SARDH: variants seen among roughly 807,000 people sequenced by gnomAD.
SARDH encodes sarcosine dehydrogenase, also known as sarcosine dehydrogenase, mitochondrial.
Under a neutral mutation model 109.1 loss-of-function variants are expected in SARDH, and 95 were observed. The observed-to-expected ratio is 0.87, with a 90% CI of 0.74 to 1.03. The LOEUF (loss-of-function observed/expected upper bound fraction) is 1.03. SARDH is among the 50% of genes least tolerant of loss of function. The probability of loss-of-function intolerance (pLI) is 0.00; values close to 1 mark genes in which losing one functional copy is unlikely to be tolerated. For missense variants in SARDH, 1,267 were observed against 1,287.8 expected (o/e 0.98, Z 0.25); for synonymous variants, 572 against 534.8 (o/e 1.07, Z -0.96).
intron 20 of SARDH, among the ~76,000 whole-genome samples, chr9:133,664,685 G>A (rs1023305625): frequency 2.0e-5 from 3 of 152,196 alleles, no homozygotes; most frequent in African/African-American, 4.8e-5. Context: ...AGGGAGTCTC[G>A]GGCTCCGCTC....
chr9:133,691,639 T>C (rs889612671), intron 15 of SARDH, among the ~76,000 whole-genome samples: 6 of 152,238 alleles, frequency 3.9e-5, no homozygotes, highest in African/African-American at 1.2e-4. Context: ...ACTTTTGAGA[T>C]TGACAGCTGC....
chr9:133,732,385 C>CA, intron 3 of SARDH, 38 bp downstream of exon 3: 10 of 1,263,008 alleles, frequency 7.9e-6, no homozygotes, highest in South Asian at 4.9e-5. Context: ...CCCACCCACC[C>CA]AAGCCCCCCT....
intron 11 of SARDH, among the ~76,000 whole-genome samples, chr9:133,706,951 C>G (rs912290820): frequency 6.6e-6 from 1 of 152,158 alleles, no homozygotes; most frequent in African/African-American, 2.4e-5. Flanking sequence ...GCCTGGGATT[C>G]TGAGGGGATG....
chr9:133,734,185 G>A lies in SARDH; in HGVS notation c.-12C>T. The A allele has an allele frequency of 6.4e-7, 1 of 1,556,548 alleles. No individual in the cohort carries two copies. The highest frequency in any genetic ancestry group is 8.7e-7 in the Non-Finnish European group (1 of 1,151,820). ...CTCAGTGAGGCCATGGGGGCTCCAG[G>A]CCTCAGCGAAACAGGGAGCTGGGGA... On this transcript the variant is annotated 5_prime_UTR_variant, in exon 2 of 21. Coordinates refer to ENST00000439388, the MANE Select transcript of SARDH (RefSeq NM_001134707.2).
rs58165558 is a variant in SARDH at position 133,704,217 on chromosome 9, G to C, written c.1554+731C>G. On this transcript the variant is annotated intron_variant, in intron 12 of 20. Transcript: ENST00000439388. This position sits in a 1 kb window ranked among gnomAD's most constrained non-coding sequence, Gnocchi z 4.5. ...CCCCTCCCGATGCCCTGGAGCTCTG[G>C]AGCCTGGCCTGGGCTGTGGGTTGCC... 0.016 allele frequency among the ~76,000 whole-genome samples: 2,489 copies of C among 152,272 alleles called. 77 individuals are homozygous for C. Among genetic ancestry groups the C allele is most frequent in the African/African-American group, 0.057 (2,368 of 41,548 alleles).
chr9:133,689,496 C>G (rs973776579), intron 16 of SARDH, among the ~76,000 whole-genome samples: 1 of 152,130 alleles, frequency 6.6e-6, no homozygotes, highest in African/African-American at 2.4e-5. Context: ...TGGCGGTGAG[C>G]GTGTGCAGGC....
chr9:133,711,768 G>C (rs562061879), intron 10 of SARDH, among the ~76,000 whole-genome samples: 4 of 152,210 alleles, frequency 2.6e-5, no homozygotes, highest in Non-Finnish European at 5.9e-5. Flanking sequence ...GCCGGGAGCA[G>C]AGTGGGCTGG....
intron 8 of SARDH, among the ~76,000 whole-genome samples, chr9:133,716,038 G>A (rs992029731): frequency 7.2e-5 from 11 of 152,228 alleles, no homozygotes; most frequent in African/African-American, 2.7e-4. Flanking sequence ...GAACCCCAAT[G>A]TGGGGGATTG....
intron 6 of SARDH, among the ~76,000 whole-genome samples, chr9:133,719,883 A>AT: frequency 6.7e-6 from 1 of 148,698 alleles, no homozygotes; most frequent in East Asian, 2.0e-4. Context: ...AGGCCAAGGC[A>AT]GGCAGATCAC....
At chr9:133,671,380 G>A (rs1007665347) in intron 18 of SARDH, among the ~76,000 whole-genome samples, 155 bp downstream of exon 18, 7 of 152,088 alleles carry the variant, frequency 4.6e-5, no homozygotes, top group Non-Finnish European at 7.4e-5. Flanking sequence ...GATGTCAGGC[G>A]CTGGGGTGTA....
intron 4 of SARDH, 107 bp downstream of exon 4, chr9:133,731,198 C>G: frequency 1.4e-6 from 2 of 1,427,276 alleles, no homozygotes; most frequent in South Asian, 1.3e-5. Flanking sequence ...CAAAGTCACA[C>G]AGCAGTCAGA....
rs771063593 is a variant in SARDH, at chr9:133,689,991, G to A, written c.2069+389C>T. On this transcript the variant is annotated intron_variant, in intron 16 of 20. Transcript: ENST00000439388. ...TTTCCGGAGGAGCCAGGGACCCCTC[G>A]GTATAGGATATTATTCTGCCCATGT... Among the ~76,000 whole-genome samples, 8 of 152,126 alleles carry A rather than the reference G, an allele frequency of 5.3e-5. 1 individual carries two copies. Among genetic ancestry groups the A allele is most frequent in the Non-Finnish European group, 1.5e-5 (1 of 68,036 alleles).
Position 133,728,320 on chromosome 9 carries a change from G to A in SARDH, c.915+1445C>T, listed in dbSNP as rs1416185496. Among the ~76,000 whole-genome samples the A allele has an allele frequency of 6.6e-6, 1 of 152,130 alleles. No homozygotes were observed. Among genetic ancestry groups the A allele is most frequent in the Non-Finnish European group, 1.5e-5 (1 of 68,004 alleles). On this transcript the variant is annotated intron_variant, in intron 6 of 20. Transcript: ENST00000439388. The surrounding 1 kb of genome is among the most constrained non-coding windows in gnomAD (Gnocchi z 5.0). Reference sequence around the variant, plus strand: ...CTGGTACCTCCCCGGTGACCATAGGGAAGCCAGGCTGGCACAGGGTGGCAA... The same window carrying A: ...CTGGTACCTCCCCGGTGACCATAGGAAAGCCAGGCTGGCACAGGGTGGCAA...
intron 11 of SARDH, among the ~76,000 whole-genome samples, chr9:133,707,005 G>A (rs1483245210): frequency 6.6e-6 from 1 of 152,178 alleles, no homozygotes; most frequent in Non-Finnish European, 1.5e-5. Context: ...GTGAACCATG[G>A]GGACATCCCA....
At chr9:133,701,657 C>T (rs1831492272) in intron 13 of SARDH, among the ~76,000 whole-genome samples, 1 of 152,218 alleles carries the variant, frequency 6.6e-6, no homozygotes, top group African/African-American at 2.4e-5. Flanking sequence ...CCAGACGGAG[C>T]CCCGAGCACT....
intron 16 of SARDH, among the ~76,000 whole-genome samples, chr9:133,689,809 C>T (rs966275084): frequency 1.3e-5 from 2 of 152,142 alleles, no homozygotes; most frequent in African/African-American, 2.4e-5. Context: ...CCTGCTCAGC[C>T]GTCCTTTTGC....
intron 17 of SARDH, among the ~76,000 whole-genome samples, chr9:133,675,051 A>G (rs1441557472): frequency 6.6e-6 from 1 of 152,216 alleles, no homozygotes; most frequent in Non-Finnish European, 1.5e-5. Flanking sequence ...ACCATTAAAA[A>G]TGGGCAAAGG....
At position 133,731,304 on chromosome 9, in the gene SARDH, C is replaced by T; in HGVS notation, c.690+1G>A. 3.1e-6 allele frequency: 5 copies of T among 1,614,008 alleles called. No individual in the cohort carries two copies. Among genetic ancestry groups the T allele is most frequent in the Non-Finnish European group, 4.2e-6 (5 of 1,179,958 alleles). On this transcript the variant is annotated splice_donor_variant, in intron 4 of 20. Coordinates refer to ENST00000439388, the MANE Select transcript of SARDH (RefSeq NM_001134707.2). LOFTEE classifies it high-confidence loss of function. ...ACCCAGAGCCAGGCGGCCATCAGTA[C>T]CTGTGCTCCTCGGGCAGAAGCTGCC... is the stretch of plus-strand genomic sequence containing the variant.
chr9:133,704,070 C>G lies in SARDH; in HGVS notation c.1554+878G>C, dbSNP rs1198162085. On this transcript the variant is annotated intron_variant, in intron 12 of 20. Coordinates refer to ENST00000439388, the MANE Select transcript of SARDH (RefSeq NM_001134707.2). The surrounding 1 kb of genome is among the most constrained non-coding windows in gnomAD (Gnocchi z 4.5). The stretch of plus-strand genomic sequence containing the variant: ...CTTCAAGACAGGGTCTGCCCAGACC[C>G]CTCCTCCCCGCAGGGTTCATGAGGA... Among the ~76,000 whole-genome samples, 1 of 152,104 alleles carries G rather than the reference C, an allele frequency of 6.6e-6. No homozygotes were observed. The highest frequency in any genetic ancestry group is 1.5e-5 in the Non-Finnish European group (1 of 68,010).
Sources: allele counts gnomAD v4.1 joint callset (sites outside exome capture counted in the v4.1 genomes callset), GRCh38; gene constraint gnomAD v4.1.1; non-coding constraint Gnocchi (gnomAD v3.1); transcripts MANE v1.5; gene names NCBI Gene and HGNC (gene_info 2026-07-23, HGNC 2026-07-21).